Variants in ITGA11 observed in about 807,000 individuals in gnomAD.
The protein encoded by ITGA11 is integrin subunit alpha 11, also known as integrin alpha-11.
Under a neutral mutation model 141.9 loss-of-function variants are expected in ITGA11, and 97 were observed. The ratio of observed to expected loss-of-function variants is 0.68; its 90% CI spans 0.58 to 0.81. The LOEUF is 0.81. Among genes scored for constraint, ITGA11 ranks in the 30% least tolerant of loss-of-function variants. The probability of loss-of-function intolerance (pLI) is 0.00; values close to 1 mark genes in which losing one functional copy is unlikely to be tolerated. For synonymous variants in ITGA11, 658 were observed against 624.6 expected, an observed-to-expected ratio of 1.05 and a Z score of -0.80; for missense variants, 1,387 against 1,559.2, an observed-to-expected ratio of 0.89 and a Z score of 1.86.
chr15:68,386,547 G>T (rs1170366156), intron 2 of ITGA11, among the ~76,000 whole-genome samples: 1 of 152,150 alleles, frequency 6.6e-6, no homozygotes, highest in Non-Finnish European at 1.5e-5. Context: ...CGATGAGAGT[G>T]AGGCTTAAAA....
At chr15:68,425,705 G>A (rs376602845) in intron 1 of ITGA11, among the ~76,000 whole-genome samples, 3 of 152,214 alleles carry the variant, frequency 2.0e-5, no homozygotes, top group Non-Finnish European at 1.5e-5. Flanking sequence ...ACGCCCACTT[G>A]CCCATTTCAC....
At chr15:68,356,624 G>A (rs756582425) in intron 7 of ITGA11, among the ~76,000 whole-genome samples, 7 of 152,128 alleles carry the variant, frequency 4.6e-5, no homozygotes, top group Non-Finnish European at 4.4e-5. Context: ...AAATGACCTC[G>A]CTGTTCATCC....
chr15:68,386,420 A>T (rs1366548336), intron 2 of ITGA11, among the ~76,000 whole-genome samples: 2 of 152,104 alleles, frequency 1.3e-5, no homozygotes, highest in Non-Finnish European at 2.9e-5. Context: ...CACAGTGCAG[A>T]GTTAAGTTGC....
At chr15:68,426,027 G>A (rs1897134740) in intron 1 of ITGA11, among the ~76,000 whole-genome samples, 1 of 152,232 alleles carries the variant, frequency 6.6e-6, no homozygotes, top group Non-Finnish European at 1.5e-5. Flanking sequence ...GAACGAGGCT[G>A]CCCATCAGCA....
intron 10 of ITGA11, among the ~76,000 whole-genome samples, chr15:68,341,556 C>T (rs573036031): frequency 1.7e-4 from 26 of 152,354 alleles, no homozygotes; most frequent in African/African-American, 6.0e-4. Flanking sequence ...GAGAAGAAAA[C>T]ATCTATCTGT....
At chr15:68,345,689 C>T (rs960481302) in intron 10 of ITGA11, among the ~76,000 whole-genome samples, 13 of 152,300 alleles carry the variant, frequency 8.5e-5, no homozygotes, top group Middle Eastern at 3.4e-3. Flanking sequence ...CCATCTGTGG[C>T]GCTTCTGGCA....
intron 3 of ITGA11, chr15:68,365,455 T>TA (rs1895388781): frequency 1.7e-5 from 8 of 483,122 alleles, no homozygotes; most frequent in Non-Finnish European, 2.2e-5. Context: ...ATTAGAATCA[T>TA]AAAAAAATTG....
At chr15:68,315,340 A>G (rs1893535750) in intron 22 of ITGA11, among the ~76,000 whole-genome samples, 1 of 152,218 alleles carries the variant, frequency 6.6e-6, no homozygotes, top group Admixed American at 6.5e-5. Context: ...TTTTGCCTGT[A>G]CAATGCTTTA....
rs534258599 is a variant in ITGA11, at chr15:68,328,362, A to G, written c.1902-100T>C. On this transcript the variant is annotated intron_variant, in intron 15 of 29. Coordinates refer to ENST00000315757, the MANE Select transcript of ITGA11 (RefSeq NM_001004439.2). The surrounding 1 kb of genome is among the most constrained non-coding windows in gnomAD (Gnocchi z 4.8). ...AGAACCAGATGCGAGTGGGATCTGC[A>G]AAGCCACTGGAGGGGGTGAGGTGGA... is the stretch of plus-strand genomic sequence containing the variant. 6.4e-5 allele frequency: 59 copies of G among 925,048 alleles called. No homozygotes were observed. In the African/African-American group the frequency reaches 1.0e-3, roughly 16 times the overall value. The allele number at this position is 925,048 out of a possible 1,614,324, so 57.3% of individuals were successfully genotyped here. A position where few individuals can be genotyped will look rare whatever the true frequency, so the allele number is the denominator to read the frequency against.
In ITGA11 at chr15:68,326,878, C is replaced by T. The variant is rs2140297025; in HGVS notation, c.2069-82G>A. The T allele has an allele frequency of 6.9e-7, 1 of 1,453,016 alleles. No individual in the cohort carries two copies. The highest frequency in any genetic ancestry group is 1.4e-5 in the South Asian group (1 of 72,264). The allele number at this position is 1,453,016 out of a possible 1,614,324, so 90.0% of individuals were successfully genotyped here. A position where few individuals can be genotyped will look rare whatever the true frequency, so the allele number is the denominator to read the frequency against. ...TGTCTGCCTCCTCCAGGAAGCCCCCCAGGCTGGCCAGGGGAGAGCTGTTCC... is the reference window on the plus strand; with the variant it reads ...TGTCTGCCTCCTCCAGGAAGCCCCCTAGGCTGGCCAGGGGAGAGCTGTTCC... On this transcript the variant is annotated intron_variant, in intron 16 of 29. Transcript: ENST00000315757. This position sits in a 1 kb window ranked among gnomAD's most constrained non-coding sequence, Gnocchi z 6.8.
chr15:68,361,316 T>C (rs1470793454), intron 5 of ITGA11, among the ~76,000 whole-genome samples: 1 of 151,828 alleles, frequency 6.6e-6, no homozygotes, highest in African/African-American at 2.4e-5. Context: ...ATACCCAGGG[T>C]TTCTGCAGTG....
At chr15:68,404,049 T>A (rs1268715747) in intron 1 of ITGA11, among the ~76,000 whole-genome samples, 3 of 152,098 alleles carry the variant, frequency 2.0e-5, no homozygotes, top group African/African-American at 4.8e-5. Flanking sequence ...TCCTTCTCCA[T>A]CACTCCTTCC....
chr15:68,369,541 G>A (rs549348261), intron 2 of ITGA11, among the ~76,000 whole-genome samples: 1 of 152,336 alleles, frequency 6.6e-6, no homozygotes, highest in Admixed American at 6.5e-5. Flanking sequence ...AGACCACATG[G>A]GCTCTGCAAC....
At chr15:68,350,808 A>G (rs1304251456) in intron 8 of ITGA11, 26 bp from the exon 9 acceptor site, 3 of 1,597,756 alleles carry the variant, frequency 1.9e-6, no homozygotes, top group South Asian at 2.3e-5. Context: ...GGCAGGAACC[A>G]CAAACCAGAA....
At chr15:68,410,206 C>A (rs1896741245) in intron 1 of ITGA11, among the ~76,000 whole-genome samples, 1 of 152,246 alleles carries the variant, frequency 6.6e-6, no homozygotes, top group African/African-American at 2.4e-5. Flanking sequence ...TCTGTGGAAC[C>A]TAAGCGTGAA....
chr15:68,325,525 G>C lies in ITGA11; in HGVS notation c.2212-284C>G, dbSNP rs1309493058. On this transcript the variant is annotated intron_variant, in intron 17 of 29. Transcript: ENST00000315757. The surrounding 1 kb of genome is among the most constrained non-coding windows in gnomAD (Gnocchi z 5.5). Reference sequence around the variant, plus strand: ...TTCGGGGCCAGACTCCCATTGCCCGGGTACCTCGGCCTCTGGGAAGCCTGG... The same window carrying C: ...TTCGGGGCCAGACTCCCATTGCCCGCGTACCTCGGCCTCTGGGAAGCCTGG... Among the ~76,000 whole-genome samples the C allele has an allele frequency of 2.0e-5, 3 of 152,196 alleles. No individual in the cohort carries two copies. The highest frequency in any genetic ancestry group is 4.4e-5 in the Non-Finnish European group (3 of 68,038).
chr15:68,329,368 T>G (rs1533469), intron 15 of ITGA11, among the ~76,000 whole-genome samples: 99,879 of 152,140 alleles, frequency 0.66, 36,540 homozygotes, highest in South Asian at 0.84. Flanking sequence ...TCTGCTTAAT[T>G]GGTGTGGGTA....
At chr15:68,419,420 T>C (rs1896965267) in intron 1 of ITGA11, among the ~76,000 whole-genome samples, 1 of 152,186 alleles carries the variant, frequency 6.6e-6, no homozygotes, top group African/African-American at 2.4e-5. Context: ...TTGTTTGGGA[T>C]GTTCAGGCTC....
chr15:68,396,171 A>G (rs1370079025), intron 2 of ITGA11, among the ~76,000 whole-genome samples: 2 of 152,138 alleles, frequency 1.3e-5, no homozygotes, highest in Non-Finnish European at 2.9e-5. Flanking sequence ...GAGAATATAT[A>G]CATGGGAGAA....
Sources: allele counts gnomAD v4.1 joint callset (sites outside exome capture counted in the v4.1 genomes callset), GRCh38; gene constraint gnomAD v4.1.1; non-coding constraint Gnocchi (gnomAD v3.1); transcripts MANE v1.5; gene names NCBI Gene and HGNC (gene_info 2026-07-23, HGNC 2026-07-21).